CTNNA2: variants seen among roughly 807,000 people sequenced by gnomAD.
CTNNA2 encodes the protein catenin alpha-2.
A neutral mutation model predicts 101.0 loss-of-function variants in CTNNA2; 42 were observed. That is an observed-to-expected ratio of 0.42 (90% CI 0.32 to 0.54). The LOEUF (loss-of-function observed/expected upper bound fraction) is 0.54, where lower values mean the gene tolerates loss of function less well. CTNNA2 is among the 20% of genes least tolerant of loss of function. The pLI is 0.14. For synonymous variants in CTNNA2, 450 were observed against 456.4 expected, an observed-to-expected ratio of 0.99 and a Z score of 0.18; for missense variants, 871 against 1,223.1, an observed-to-expected ratio of 0.71 and a Z score of 4.29.
intron 2 of CTNNA2, among the ~76,000 whole-genome samples, chr2:79,288,570 C>G (rs900616370): frequency 6.6e-6 from 1 of 152,142 alleles, no homozygotes; most frequent in South Asian, 2.1e-4. Flanking sequence ...CTATTTCTCT[C>G]TCTCTCCCTC....
At chr2:80,175,003 C>G (rs998188350) in intron 7 of CTNNA2, among the ~76,000 whole-genome samples, 2 of 152,208 alleles carry the variant, frequency 1.3e-5, no homozygotes, top group Non-Finnish European at 2.9e-5. Flanking sequence ...TTCTTCATTG[C>G]TGTTAGGACA....
At chr2:79,220,134 C>A (rs1200885345) in intron 2 of CTNNA2, among the ~76,000 whole-genome samples, 2 of 151,994 alleles carry the variant, frequency 1.3e-5, no homozygotes, top group Non-Finnish European at 2.9e-5. Flanking sequence ...ATCTAACCCA[C>A]AATTCTCAAA....
intron 8 of CTNNA2, among the ~76,000 whole-genome samples, chr2:80,415,378 G>A (rs992050042): frequency 6.6e-6 from 1 of 152,084 alleles, no homozygotes; most frequent in Admixed American, 6.6e-5. Flanking sequence ...AGGGTGCCTG[G>A]AGTCAGCCCT....
At chr2:79,961,388 TACCAGCCTC>T (rs914434614) in intron 7 of CTNNA2, among the ~76,000 whole-genome samples, 69 of 152,176 alleles carry the variant, frequency 4.5e-4, no homozygotes, top group African/African-American at 1.7e-3. Flanking sequence ...ATTCCCTTAT[TACCAGCCTC>T]ATCAGTCAAG....
rs143405054 is a variant in CTNNA2 at position 79,483,243 on chromosome 2, A to G, written c.-134-21811A>G. Among the ~76,000 whole-genome samples the G allele has an allele frequency of 1.6e-4, 25 of 152,206 alleles. No homozygotes were observed. The East Asian group carries it at 4.8e-3, about 29-fold the overall frequency. On this transcript the variant is annotated intron_variant, in intron 4 of 21. Coordinates refer to the CTNNA2 transcript ENST00000466387. The stretch of plus-strand genomic sequence containing the variant: ...AAAGCTCCTCAAAGAAATGACATCC[A>G]TCTCCCCATCTACATTTCATTTGCC...
intron 4 of CTNNA2, among the ~76,000 whole-genome samples, chr2:79,430,672 A>G (rs1009393094): frequency 6.6e-6 from 1 of 152,104 alleles, no homozygotes; most frequent in South Asian, 2.1e-4. Context: ...ATTCCATTTT[A>G]TATATGGAGA....
chr2:80,395,515 G>T (rs942842851), intron 8 of CTNNA2, among the ~76,000 whole-genome samples: 1 of 152,096 alleles, frequency 6.6e-6, no homozygotes, highest in Non-Finnish European at 1.5e-5. Flanking sequence ...ACCTGTAGTG[G>T]CACAAAAGCT....
At chr2:79,252,969 G>A (rs887386733) in intron 2 of CTNNA2, among the ~76,000 whole-genome samples, 1 of 152,116 alleles carries the variant, frequency 6.6e-6, no homozygotes, top group African/African-American at 2.4e-5. Flanking sequence ...AAGTAAGGGT[G>A]GAGCATGTTA....
chr2:80,157,299 G>C (rs146615678), intron 7 of CTNNA2, among the ~76,000 whole-genome samples: 1 of 152,134 alleles, frequency 6.6e-6, no homozygotes, highest in Non-Finnish European at 1.5e-5. Context: ...ACAGGAAAGC[G>C]GGGGCGTGGT....
intron 4 of CTNNA2, among the ~76,000 whole-genome samples, chr2:79,865,684 A>C (rs1682022544): frequency 6.6e-6 from 1 of 152,200 alleles, no homozygotes; most frequent in African/African-American, 2.4e-5. Flanking sequence ...ATAAATATTT[A>C]ATGAATAAAT....
chr2:79,863,134 TCAAA>T (rs1289464937), intron 4 of CTNNA2, among the ~76,000 whole-genome samples: 2 of 140,868 alleles, frequency 1.4e-5, no homozygotes. Context: ...TCCTGGTAGC[TCAAA>T]CAAACAAACA....
At chr2:79,640,260 C>A (rs1680362706) in intron 1 of CTNNA2, among the ~76,000 whole-genome samples, 1 of 151,962 alleles carries the variant, frequency 6.6e-6, no homozygotes, top group Non-Finnish European at 1.5e-5. Flanking sequence ...GAGGTTGGGA[C>A]CTGAGAGGGT....
At chr2:79,339,296 G>C (rs1677076502) in intron 3 of CTNNA2, among the ~76,000 whole-genome samples, 5 of 152,164 alleles carry the variant, frequency 3.3e-5, no homozygotes, top group Admixed American at 6.5e-5. Context: ...GTGAAAAGGA[G>C]TGTTGAGTGC....
intron 7 of CTNNA2, chr2:80,298,572 T>C (rs920856724): frequency 9.2e-5 from 14 of 152,216 alleles, no homozygotes; most frequent in Non-Finnish European, 8.8e-5. Flanking sequence ...TGTGTGTACT[T>C]GCTTGGAAAA....
At chr2:79,726,639 G>C (rs1433282150) in intron 2 of CTNNA2, among the ~76,000 whole-genome samples, 3 of 152,150 alleles carry the variant, frequency 2.0e-5, no homozygotes, top group African/African-American at 7.2e-5. Flanking sequence ...CTGGTCCCTG[G>C]TGCCAGAAAG....
At chr2:79,749,290 C>A (rs781158395) in intron 3 of CTNNA2, among the ~76,000 whole-genome samples, 1 of 152,038 alleles carries the variant, frequency 6.6e-6, no homozygotes, top group Non-Finnish European at 1.5e-5. Context: ...TCGGAGTATG[C>A]GTAAGTTTTT....
intron 4 of CTNNA2, among the ~76,000 whole-genome samples, chr2:79,501,461 T>C (rs1444522137): frequency 6.6e-6 from 1 of 152,170 alleles, no homozygotes; most frequent in African/African-American, 2.4e-5. Flanking sequence ...AAAGGCCTTC[T>C]TAAGGCAAGG....
chr2:80,503,011 AT>A (rs1182107220), intron 9 of CTNNA2, among the ~76,000 whole-genome samples: 7 of 151,942 alleles, frequency 4.6e-5, no homozygotes, highest in Admixed American at 2.6e-4. Context: ...TTCTACAAAA[AT>A]TTTTTTACAA....
chr2:79,818,237 C>G, intron 3 of CTNNA2, among the ~76,000 whole-genome samples: 1 of 152,140 alleles, frequency 6.6e-6, no homozygotes, highest in African/African-American at 2.4e-5. Flanking sequence ...TTTAATATTA[C>G]CAAAGATAGT....
Sources: allele counts gnomAD v4.1 joint callset (sites outside exome capture counted in the v4.1 genomes callset), GRCh38; gene constraint gnomAD v4.1.1; transcripts MANE v1.5; gene names NCBI Gene and HGNC (gene_info 2026-07-23, HGNC 2026-07-21).